Variants in SNTG2 observed in about 807,000 individuals in gnomAD.
SNTG2 encodes gamma-2-syntrophin.
SNTG2 carries 74 observed loss-of-function variants against 70.9 expected under a neutral mutation model. The observed-to-expected ratio is 1.04, with a 90% CI of 0.86 to 1.27. The LOEUF (loss-of-function observed/expected upper bound fraction) is 1.27, where lower values mean the gene tolerates loss of function less well. Among genes scored for constraint, SNTG2 ranks in the 50% most tolerant of loss-of-function variants. SNTG2 has a pLI of 0.00. For missense variants in SNTG2, 717 were observed against 690.7 expected (o/e 1.04, Z -0.43); for synonymous variants, 278 against 273.8 (o/e 1.02, Z -0.15).
At chr2:1,157,310 T>C (rs1669965764) in intron 6 of SNTG2, among the ~76,000 whole-genome samples, 1 of 152,126 alleles carries the variant, frequency 6.6e-6, no homozygotes. Context: ...AACCCAGAGG[T>C]GCAGCTGAAG....
intron 12 of SNTG2, among the ~76,000 whole-genome samples, chr2:1,251,628 A>G (rs568134681): frequency 1.9e-4 from 27 of 140,784 alleles, no homozygotes; most frequent in African/African-American, 6.7e-4. Context: ...CACACACCGC[A>G]CACACACCAC....
chr2:1,363,488 A>T (rs1018144955), intron 16 of SNTG2, among the ~76,000 whole-genome samples: 1 of 152,088 alleles, frequency 6.6e-6, no homozygotes, highest in Non-Finnish European at 1.5e-5. Flanking sequence ...CTAACCCAAC[A>T]TATTGGACTG....
intron 1 of SNTG2, among the ~76,000 whole-genome samples, chr2:1,032,970 TG>T (rs1038546328): frequency 3.3e-5 from 5 of 152,128 alleles, no homozygotes; most frequent in African/African-American, 1.2e-4. Context: ...AATGCAAAGC[TG>T]GGGCAGTCAT....
At chr2:1,004,211 G>A (rs1287461691) in intron 1 of SNTG2, among the ~76,000 whole-genome samples, 1 of 152,156 alleles carries the variant, frequency 6.6e-6, no homozygotes, top group African/African-American at 2.4e-5. Context: ...CCTGTAACAG[G>A]AAGTCTATAT....
chr2:1,211,733 C>G (rs1674058426), intron 9 of SNTG2, among the ~76,000 whole-genome samples: 1 of 152,090 alleles, frequency 6.6e-6, no homozygotes, highest in East Asian at 1.9e-4. Flanking sequence ...AAAAACCCAC[C>G]CCCATGATTC....
intron 1 of SNTG2, among the ~76,000 whole-genome samples, chr2:960,769 C>T (rs4246560): frequency 2.0e-4 from 29 of 142,664 alleles, no homozygotes; most frequent in East Asian, 1.4e-3. Flanking sequence ...AGGGTTCCCA[C>T]GCACGGCTGT....
intron 1 of SNTG2, among the ~76,000 whole-genome samples, chr2:1,022,648 C>A (rs1206580562): frequency 6.6e-6 from 1 of 152,068 alleles, no homozygotes; most frequent in African/African-American, 2.4e-5. Flanking sequence ...CTTGTGAAGC[C>A]CCCGAGTTTT....
At chr2:1,251,331 A>G (rs1439073812) in intron 12 of SNTG2, among the ~76,000 whole-genome samples, 1 of 152,214 alleles carries the variant, frequency 6.6e-6, no homozygotes, top group Middle Eastern at 3.2e-3. Flanking sequence ...GTATAAATAT[A>G]TAACTGTTAA....
chr2:1,302,964 A>G (rs1438270922), intron 14 of SNTG2, among the ~76,000 whole-genome samples: 1 of 152,208 alleles, frequency 6.6e-6, no homozygotes, highest in Non-Finnish European at 1.5e-5. Flanking sequence ...GAGTATTCAC[A>G]AAACAACGGG....
chr2:1,000,464 C>A (rs1454385881), intron 1 of SNTG2, among the ~76,000 whole-genome samples: 2 of 151,588 alleles, frequency 1.3e-5, no homozygotes, highest in African/African-American at 2.4e-5. Context: ...CACAGAAATA[C>A]AAAAGATCCT....
chr2:1,099,035 T>C (rs759087325), intron 4 of SNTG2, among the ~76,000 whole-genome samples: 28 of 152,204 alleles, frequency 1.8e-4, no homozygotes, highest in Non-Finnish European at 2.1e-4. Flanking sequence ...TCGGGTAGAC[T>C]GTTTCTCATA....
intron 4 of SNTG2, among the ~76,000 whole-genome samples, chr2:1,123,972 T>C (rs1667539660): frequency 6.6e-6 from 1 of 152,144 alleles, no homozygotes; most frequent in South Asian, 2.1e-4. Context: ...TCACAGAAGC[T>C]GGGGATTGGA....
chr2:979,014 G>T (rs1661006436), intron 1 of SNTG2, among the ~76,000 whole-genome samples: 1 of 152,206 alleles, frequency 6.6e-6, no homozygotes. Context: ...TGTAAACCAA[G>T]GCCCTGCTCT....
intron 1 of SNTG2, among the ~76,000 whole-genome samples, chr2:1,014,788 G>T (rs6706944): frequency 1.3e-5 from 2 of 151,894 alleles, no homozygotes; most frequent in East Asian, 3.9e-4. Context: ...AGAGAGAAGG[G>T]TGGTCTGGAG....
chr2:1,255,027 G>A (rs1034652038), intron 12 of SNTG2, among the ~76,000 whole-genome samples: 1 of 152,168 alleles, frequency 6.6e-6, no homozygotes, highest in African/African-American at 2.4e-5. Flanking sequence ...CTTAGCAGAG[G>A]GTTTCCCCTC....
At position 1,330,326 on chromosome 2, in the gene SNTG2, G is replaced by A. The variant is rs577770698; in HGVS notation, c.1488+13951G>A. On this transcript the variant is annotated intron_variant, in intron 16 of 16. Coordinates refer to ENST00000308624, the MANE Select transcript of SNTG2 (RefSeq NM_018968.4). ...AGCTAAGTGCATCCTCTGAGGAGAG[G>A]GATTCTGTGGTGGTCTAAAGAATTT... is the stretch of plus-strand genomic sequence containing the variant. Among the ~76,000 whole-genome samples, 19 of 152,220 alleles carry A rather than the reference G, an allele frequency of 1.2e-4. No individual in the cohort carries two copies. The South Asian group carries it at 3.9e-3, about 32-fold the overall frequency.
intron 1 of SNTG2, among the ~76,000 whole-genome samples, chr2:985,169 A>G (rs1661263089): frequency 6.6e-6 from 1 of 152,152 alleles, no homozygotes; most frequent in African/African-American, 2.4e-5. Flanking sequence ...ACTCCCTCCT[A>G]AAGAAAACAG....
rs1676792563 is a variant in SNTG2, at chr2:1,237,992, A to C, written c.824A>C (p.Asn275Thr). 1 of 1,610,460 alleles carries C rather than the reference A, an allele frequency of 6.2e-7. No individual in the cohort carries two copies. Among genetic ancestry groups the C allele is most frequent in the African/African-American group, 1.3e-5 (1 of 74,986 alleles). Reference sequence around the variant, plus strand: ...GACTGGCTGCGGGCGGTCTCAGCCAACATCAGGGAGCTGACACTTCAGAAC... The same window carrying C: ...GACTGGCTGCGGGCGGTCTCAGCCACCATCAGGGAGCTGACACTTCAGAAC... ...GTDWLRAVSA[N>T]IRELTLQNMK... Residue 275 changes from asparagine to threonine, a missense_variant, in exon 10 of 17, where the codon AAC becomes ACC. Physicochemically the swap from Asn to Thr is moderately conservative, Grantham distance 65. Transcript: ENST00000308624.
intron 1 of SNTG2, among the ~76,000 whole-genome samples, chr2:1,038,589 T>C (rs1042171891): frequency 6.6e-6 from 1 of 152,230 alleles, no homozygotes; most frequent in Non-Finnish European, 1.5e-5. Context: ...TCAAAGAAAT[T>C]CAACATGGAT....
Sources: gnomAD v4.1 joint callset for allele counts (sites outside exome capture counted in the v4.1 genomes callset) on GRCh38, gnomAD v4.1.1 for gene constraint, MANE v1.5 for transcripts, NCBI Gene and HGNC (gene_info 2026-07-23, HGNC 2026-07-21) for gene names.